The following OPCML variants were observed in gnomAD, a reference collection of about 807,000 sequenced individuals.
The protein encoded by OPCML is opioid-binding protein/cell adhesion molecule.
In OPCML, 13 loss-of-function variants were observed where a neutral mutation model predicts 37.8. The ratio of observed to expected loss-of-function variants is 0.34; its 90% CI spans 0.22 to 0.55. OPCML has a LOEUF of 0.55. Among genes scored for constraint, OPCML ranks in the 20% least tolerant of loss-of-function variants. The pLI is 0.91. For missense variants in OPCML, 341 were observed against 435.6 expected, an observed-to-expected ratio of 0.78 and a Z score of 1.93; for synonymous variants, 176 against 168.8, an observed-to-expected ratio of 1.04 and a Z score of -0.33.
At chr11:132,752,705 C>T (rs1456640569) in intron 2 of OPCML, among the ~76,000 whole-genome samples, 1 of 151,710 alleles carries the variant, frequency 6.6e-6, no homozygotes, top group Non-Finnish European at 1.5e-5. Flanking sequence ...GTTTGGATGG[C>T]CTTTTCTCTT....
intron 1 of OPCML, among the ~76,000 whole-genome samples, chr11:132,990,394 C>T (rs7937165): frequency 0.093 from 14,175 of 152,252 alleles, 1,362 homozygotes; most frequent in East Asian, 0.23. Context: ...CAATTTAGCA[C>T]AGAATCAAAA....
Position 133,321,305 on chromosome 11 carries a change from G to A in OPCML, c.61+210959C>T, listed in dbSNP as rs116137112. ...TGCCATCAGAAGCTCCGTAAGTACC[G>A]CATTTACTGAGAGAGGGCAGCTTCA... On this transcript the variant is annotated intron_variant, in intron 1 of 7. Coordinates refer to ENST00000524381, the MANE Select transcript of OPCML (RefSeq NM_001012393.5). Among the ~76,000 whole-genome samples the A allele has an allele frequency of 6.1e-3, 924 of 152,256 alleles. 14 individuals are homozygous for A. Among genetic ancestry groups the A allele is most frequent in the African/African-American group, 0.021 (889 of 41,534 alleles).
At chr11:132,738,912 T>C (rs555858679) in intron 2 of OPCML, among the ~76,000 whole-genome samples, 13 of 152,260 alleles carry the variant, frequency 8.5e-5, no homozygotes, top group African/African-American at 3.1e-4. Flanking sequence ...CAAAATATGC[T>C]AACCCAAAAT....
intron 1 of OPCML, among the ~76,000 whole-genome samples, chr11:133,082,880 C>G (rs1948756521): frequency 6.7e-6 from 1 of 150,292 alleles, no homozygotes; most frequent in South Asian, 2.1e-4. Flanking sequence ...CGACCTCGTC[C>G]CAGGCAGACG....
intron 4 of OPCML, among the ~76,000 whole-genome samples, chr11:132,458,386 A>G (rs189072995): frequency 1.3e-5 from 2 of 152,342 alleles, no homozygotes; most frequent in African/African-American, 2.4e-5. Context: ...CTAGACTTGC[A>G]GTTTAATTAT....
intron 2 of OPCML, among the ~76,000 whole-genome samples, chr11:132,890,520 T>C (rs770176772): frequency 7.9e-5 from 12 of 151,804 alleles, no homozygotes; most frequent in South Asian, 2.1e-4. Flanking sequence ...GTTACAAAGA[T>C]ACATACAAAA....
At chr11:132,911,067 T>A (rs1028657462) in intron 2 of OPCML, among the ~76,000 whole-genome samples, 2 of 152,242 alleles carry the variant, frequency 1.3e-5, no homozygotes, top group African/African-American at 2.4e-5. Flanking sequence ...ATATTAACGC[T>A]GCAACAGCAA....
At chr11:133,499,216 GAA>G (rs2120517214) in intron 1 of OPCML, among the ~76,000 whole-genome samples, 1 of 152,278 alleles carries the variant, frequency 6.6e-6, no homozygotes, top group South Asian at 2.1e-4. Flanking sequence ...GAGAGTGAGG[GAA>G]AAAGTCTTGG....
intron 1 of OPCML, among the ~76,000 whole-genome samples, chr11:133,135,804 C>T (rs1173969201): frequency 6.6e-6 from 1 of 152,140 alleles, no homozygotes; most frequent in Non-Finnish European, 1.5e-5. Context: ...GTTGTCTCCG[C>T]AAATAGCGGA....
At chr11:133,140,961 A>C (rs1487852112) in intron 1 of OPCML, among the ~76,000 whole-genome samples, 214 of 2,256 alleles carry the variant, frequency 0.095, 31 homozygotes, top group African/African-American at 0.14. Context: ...AAGAAGAAGA[A>C]GAAGAAGAAG....
At chr11:133,501,910 C>G (rs867500259) in intron 1 of OPCML, among the ~76,000 whole-genome samples, 1 of 152,068 alleles carries the variant, frequency 6.6e-6, no homozygotes, top group African/African-American at 2.4e-5. Flanking sequence ...CAACATGCCT[C>G]GAGGCTGTGC....
intron 2 of OPCML, among the ~76,000 whole-genome samples, chr11:132,874,310 A>G (rs952340799): frequency 6.6e-6 from 1 of 152,112 alleles, no homozygotes; most frequent in African/African-American, 2.4e-5. Flanking sequence ...ATTGCTGATT[A>G]CTTTGAAGTA....
chr11:132,918,480 G>A (rs144409890), intron 2 of OPCML, among the ~76,000 whole-genome samples: 2 of 152,232 alleles, frequency 1.3e-5, no homozygotes, highest in Admixed American at 6.5e-5. Context: ...CATAAAATTG[G>A]AATCATACAG....
At chr11:132,577,638 G>A (rs1216876886) in intron 3 of OPCML, among the ~76,000 whole-genome samples, 1 of 152,164 alleles carries the variant, frequency 6.6e-6, no homozygotes, top group African/African-American at 2.4e-5. Context: ...ATAATGTGAT[G>A]ATCGCAAGGA....
At chr11:132,962,876 C>T (rs1485483892) in intron 1 of OPCML, among the ~76,000 whole-genome samples, 2 of 152,228 alleles carry the variant, frequency 1.3e-5, no homozygotes, top group Non-Finnish European at 1.5e-5. Flanking sequence ...TCAGCATCTC[C>T]AACCTCAGAA....
At chr11:133,401,684 A>G (rs1428888545) in intron 1 of OPCML, among the ~76,000 whole-genome samples, 3 of 152,238 alleles carry the variant, frequency 2.0e-5, no homozygotes, top group East Asian at 1.9e-4. Context: ...AAACAAAACA[A>G]GACAAAAAAG....
At chr11:133,437,710 C>G in intron 1 of OPCML, among the ~76,000 whole-genome samples, 1 of 145,626 alleles carries the variant, frequency 6.9e-6, no homozygotes, top group East Asian at 2.0e-4. Flanking sequence ...TCACCTCTCC[C>G]CTCTCAACCC....
At chr11:132,421,481 T>C (rs1179147763) in intron 7 of OPCML, among the ~76,000 whole-genome samples, 1 of 152,170 alleles carries the variant, frequency 6.6e-6, no homozygotes, top group African/African-American at 2.4e-5. Context: ...GTCAACCTTA[T>C]GGTGAGGATT....
At chr11:132,996,504 C>T (rs951362995) in intron 1 of OPCML, among the ~76,000 whole-genome samples, 18 of 150,726 alleles carry the variant, frequency 1.2e-4, no homozygotes, top group Admixed American at 9.9e-4. Context: ...CCCAGCTACT[C>T]GGAAGCCTGA....
Sources: allele counts gnomAD v4.1 joint callset (sites outside exome capture counted in the v4.1 genomes callset), GRCh38; gene constraint gnomAD v4.1.1; transcripts MANE v1.5; gene names NCBI Gene and HGNC (gene_info 2026-07-23, HGNC 2026-07-21).